The following RALGAPA2 variants were observed in gnomAD, a reference collection of about 807,000 sequenced individuals.
The protein encoded by RALGAPA2 is ral GTPase-activating protein subunit alpha-2.
RALGAPA2 carries 139 observed loss-of-function variants against 230.4 expected under a neutral mutation model. The ratio of observed to expected loss-of-function variants is 0.60; its 90% CI spans 0.53 to 0.69. The LOEUF (loss-of-function observed/expected upper bound fraction) is 0.69, where lower values mean the gene tolerates loss of function less well. Ranked by LOEUF, RALGAPA2 falls within the 30% of genes least tolerant of loss-of-function variation. RALGAPA2 has a pLI of 0.00. For synonymous variants in RALGAPA2, 847 were observed against 837.8 expected (o/e 1.01, Z -0.19); for missense variants, 2,163 against 2,276.0 (o/e 0.95, Z 1.01).
chr20:20,463,394 C>T (rs1214091398), intron 37 of RALGAPA2, among the ~76,000 whole-genome samples: 1 of 152,102 alleles, frequency 6.6e-6, no homozygotes, highest in Non-Finnish European at 1.5e-5. Flanking sequence ...AGGCTTTGTA[C>T]CCGCTTTTGA....
intron 37 of RALGAPA2, among the ~76,000 whole-genome samples, chr20:20,467,099 C>T (rs2123340934): frequency 6.6e-6 from 1 of 152,334 alleles, no homozygotes; most frequent in African/African-American, 2.4e-5. Context: ...ACACACAAAG[C>T]TTCTTGCTGA....
At chr20:20,658,995 G>C (rs898146450) in intron 3 of RALGAPA2, among the ~76,000 whole-genome samples, 2 of 152,218 alleles carry the variant, frequency 1.3e-5, no homozygotes, top group African/African-American at 4.8e-5. Context: ...TCTGAAAGCA[G>C]AGTGTGGGGA....
At chr20:20,609,123 T>A (rs749605939) in intron 14 of RALGAPA2, among the ~76,000 whole-genome samples, 1 of 152,142 alleles carries the variant, frequency 6.6e-6, no homozygotes, top group African/African-American at 2.4e-5. Flanking sequence ...AGCTCCCAAG[T>A]AACTGAAACT....
chr20:20,628,564 T>A (rs1487570885), intron 10 of RALGAPA2, among the ~76,000 whole-genome samples: 4 of 151,702 alleles, frequency 2.6e-5, no homozygotes, highest in African/African-American at 9.7e-5. Flanking sequence ...ACTGACACAT[T>A]GAGCCAGATA....
At chr20:20,513,909 T>C (rs1267879909) in intron 31 of RALGAPA2, among the ~76,000 whole-genome samples, 2 of 152,150 alleles carry the variant, frequency 1.3e-5, no homozygotes, top group African/African-American at 4.8e-5. Flanking sequence ...ACAGCTAAAG[T>C]TTCTCCTGGG....
chr20:20,558,599 G>A (rs2064159619), intron 23 of RALGAPA2, among the ~76,000 whole-genome samples: 1 of 152,068 alleles, frequency 6.6e-6, no homozygotes, highest in Admixed American at 6.5e-5. Flanking sequence ...TACTGGGCAT[G>A]GGGTGTAAGG....
chr20:20,502,513 G>A (rs1737705762), intron 35 of RALGAPA2, among the ~76,000 whole-genome samples: 1 of 152,174 alleles, frequency 6.6e-6, no homozygotes, highest in Non-Finnish European at 1.5e-5. Flanking sequence ...CTTAATAGAT[G>A]AAAAACTGAG....
intron 23 of RALGAPA2, among the ~76,000 whole-genome samples, chr20:20,553,793 C>A (rs576590447): frequency 6.6e-5 from 10 of 152,122 alleles, no homozygotes; most frequent in Non-Finnish European, 1.2e-4. Flanking sequence ...AAAAGGAGAA[C>A]CTTGAATATT....
chr20:20,418,406 C>G (rs996760136), intron 37 of RALGAPA2, among the ~76,000 whole-genome samples: 1 of 152,184 alleles, frequency 6.6e-6, no homozygotes, highest in Non-Finnish European at 1.5e-5. Flanking sequence ...GAGGAACTGG[C>G]CTGGCTTCTT....
In RALGAPA2 at chr20:20,441,131, AT is replaced by A. The variant is rs149985588; in HGVS notation, c.5496-28984del. Among the ~76,000 whole-genome samples the A allele has an allele frequency of 3.6e-3, 550 of 152,374 alleles. 4 individuals are homozygous for A. Among genetic ancestry groups the A allele is most frequent in the African/African-American group, 0.013 (524 of 41,588 alleles). ...CAAATAAAAAACAAACAAAAGCCGA[AT>A]TTAATGGAGTGGTCAGAAAGGGAAA... is the stretch of plus-strand genomic sequence containing the variant. On this transcript the variant is annotated intron_variant, in intron 37 of 39. Coordinates refer to ENST00000202677, the MANE Select transcript of RALGAPA2 (RefSeq NM_020343.4).
intron 27 of RALGAPA2, among the ~76,000 whole-genome samples, chr20:20,530,816 T>A (rs1480961906): frequency 6.6e-6 from 1 of 152,136 alleles, no homozygotes; most frequent in Non-Finnish European, 1.5e-5. Flanking sequence ...CCTCCACCAG[T>A]AAACTGAGGA....
intron 4 of RALGAPA2, among the ~76,000 whole-genome samples, chr20:20,649,804 A>G (rs2067334744): frequency 6.6e-6 from 1 of 152,192 alleles, no homozygotes; most frequent in African/African-American, 2.4e-5. Flanking sequence ...GACGATGCGC[A>G]GCCTGCCCTT....
chr20:20,518,522 C>T (rs1381409985), intron 31 of RALGAPA2, among the ~76,000 whole-genome samples: 1 of 152,146 alleles, frequency 6.6e-6, no homozygotes. Context: ...AGGACGTGCA[C>T]ACCAATATGT....
chr20:20,512,275 T>C (rs1055371657), intron 32 of RALGAPA2, among the ~76,000 whole-genome samples: 1 of 145,020 alleles, frequency 6.9e-6, no homozygotes, highest in South Asian at 2.2e-4. Context: ...ACACAAATGT[T>C]TGATATCCTT....
rs2065967300 is a variant in RALGAPA2 at position 20,611,300 on chromosome 20, A to G, written c.1800+15T>C. 1 of 1,591,408 alleles carries G rather than the reference A, an allele frequency of 6.3e-7. No homozygotes were observed. Among genetic ancestry groups the G allele is most frequent in the African/African-American group, 1.3e-5 (1 of 74,574 alleles). ...CATTTCTTGCATTTGCAGTGCTTTCATAAAAAAGACTTACCCTAAATAGTA... is the reference window on the plus strand; with the variant it reads ...CATTTCTTGCATTTGCAGTGCTTTCGTAAAAAAGACTTACCCTAAATAGTA... On this transcript the variant is annotated intron_variant, in intron 14 of 39. Coordinates refer to ENST00000202677, the MANE Select transcript of RALGAPA2 (RefSeq NM_020343.4).
chr20:20,591,109 C>T lies in RALGAPA2; in HGVS notation c.2341+68G>A, dbSNP rs1351201339. On this transcript the variant is annotated intron_variant, in intron 17 of 39. Coordinates refer to ENST00000202677, the MANE Select transcript of RALGAPA2 (RefSeq NM_020343.4). ...TTCAGAATATATGTACAAAGCAATA[C>T]TATATGCAGCTTTTATTCCTCTGCC... The T allele has an allele frequency of 3.9e-6, 6 of 1,538,076 alleles. No individual in the cohort carries two copies. In the East Asian group the frequency reaches 9.1e-5, roughly 23 times the overall value.
chr20:20,528,078 G>C lies in RALGAPA2; in HGVS notation c.3583-1716C>G, dbSNP rs530757495. Among the ~76,000 whole-genome samples, 29 of 152,240 alleles carry C rather than the reference G, an allele frequency of 1.9e-4. No homozygotes were observed. The South Asian group carries it at 6.0e-3, about 32-fold the overall frequency. Reference sequence around the variant, plus strand: ...AAGCTGTGCCTGGAGAATGCAGGGGGGATGTGGGGTCTCCTTCCAGGTATG... The same window carrying C: ...AAGCTGTGCCTGGAGAATGCAGGGGCGATGTGGGGTCTCCTTCCAGGTATG... On this transcript the variant is annotated intron_variant, in intron 27 of 39. Coordinates refer to ENST00000202677, the MANE Select transcript of RALGAPA2 (RefSeq NM_020343.4).
intron 26 of RALGAPA2, among the ~76,000 whole-genome samples, chr20:20,533,212 C>T (rs188969953): frequency 3.0e-4 from 45 of 151,364 alleles, no homozygotes; most frequent in Middle Eastern, 3.4e-3. Flanking sequence ...TTATAACAAA[C>T]GAAAATGAAT....
intron 23 of RALGAPA2, among the ~76,000 whole-genome samples, chr20:20,566,741 G>A (rs1011797740): frequency 3.3e-5 from 5 of 152,184 alleles, no homozygotes; most frequent in African/African-American, 1.2e-4. Flanking sequence ...AAACCCAAAT[G>A]ATTTGGCTAA....
Sources: allele counts gnomAD v4.1 joint callset (sites outside exome capture counted in the v4.1 genomes callset), GRCh38; gene constraint gnomAD v4.1.1; transcripts MANE v1.5; gene names NCBI Gene and HGNC (gene_info 2026-07-23, HGNC 2026-07-21).